The following IL1RAPL1 variants were observed in gnomAD, a reference collection of about 807,000 sequenced individuals.
The protein encoded by IL1RAPL1 is interleukin-1 receptor accessory protein-like 1.
Under a neutral mutation model 48.4 loss-of-function variants are expected in IL1RAPL1, and 3 were observed. The observed-to-expected ratio is 0.06, with a 90% CI of 0.03 to 0.16. IL1RAPL1 has a LOEUF of 0.16. Among genes scored for constraint, IL1RAPL1 ranks in the 10% least tolerant of loss-of-function variants. The probability of loss-of-function intolerance (pLI) is 1.00; values close to 1 mark genes in which losing one functional copy is unlikely to be tolerated. For missense variants in IL1RAPL1, 349 were observed against 530.6 expected (o/e 0.66, Z 3.36); for synonymous variants, 185 against 187.7 (o/e 0.99, Z 0.12).
chrX:29,012,479 G>A lies in IL1RAPL1; in HGVS notation c.82+223054G>A, dbSNP rs139406529. Among the ~76,000 whole-genome samples the A allele has an allele frequency of 2.7e-3, 304 of 111,665 alleles. 1 individual carries two copies. Among genetic ancestry groups the A allele is most frequent in the African/African-American group, 8.6e-3 (266 of 30,753 alleles). The stretch of plus-strand genomic sequence containing the variant: ...GAATCACTTGAACCCAGGAGGCAGA[G>A]GTTGCAGTGAGCCGAGATCATGCCA... On this transcript the variant is annotated intron_variant, in intron 2 of 10. Coordinates refer to ENST00000378993, the MANE Select transcript of IL1RAPL1 (RefSeq NM_014271.4).
chrX:29,062,953 A>G (rs149055927), intron 2 of IL1RAPL1, among the ~76,000 whole-genome samples: 86 of 112,009 alleles, frequency 7.7e-4, no homozygotes, highest in African/African-American at 2.7e-3. Context: ...GAAAATTTCT[A>G]TAGGCAACTT....
At chrX:29,490,469 G>A (rs1935144355) in intron 5 of IL1RAPL1, among the ~76,000 whole-genome samples, 1 of 111,197 alleles carries the variant, frequency 9.0e-6, no homozygotes, top group African/African-American at 3.3e-5. Context: ...GGAGGCAGAG[G>A]TTACAGTGAG....
At chrX:29,573,895 A>G (rs778558762) in intron 5 of IL1RAPL1, among the ~76,000 whole-genome samples, 28 of 111,794 alleles carry the variant, frequency 2.5e-4, no homozygotes, top group Non-Finnish European at 4.7e-4. Flanking sequence ...CTAGGTTGGA[A>G]GAACCATAAA....
intron 5 of IL1RAPL1, among the ~76,000 whole-genome samples, chrX:29,538,246 T>C (rs1043269273): frequency 5.5e-5 from 6 of 109,553 alleles, no homozygotes; most frequent in African/African-American, 2.0e-4. Flanking sequence ...TACAACTTTG[T>C]ATAAAGTCCC....
chrX:29,652,876 A>AT (rs1334838597), intron 5 of IL1RAPL1, among the ~76,000 whole-genome samples: 2 of 112,119 alleles, frequency 1.8e-5, no homozygotes, highest in African/African-American at 6.5e-5. Flanking sequence ...ACTCAGTAGT[A>AT]TTTCACTGAT....
intron 2 of IL1RAPL1, among the ~76,000 whole-genome samples, chrX:28,898,478 C>CT (rs758651532): frequency 9.0e-6 from 1 of 110,974 alleles, no homozygotes; most frequent in Non-Finnish European, 1.9e-5. Flanking sequence ...CTTCAAACTT[C>CT]TTTTTTTCCC....
intron 5 of IL1RAPL1, among the ~76,000 whole-genome samples, chrX:29,529,889 T>C (rs1165559936): frequency 1.8e-5 from 2 of 111,701 alleles, no homozygotes; most frequent in East Asian, 5.6e-4. Flanking sequence ...ATTTGTGAAG[T>C]GTTCTTTGGA....
chrX:28,923,269 C>A (rs1242632781), intron 2 of IL1RAPL1, among the ~76,000 whole-genome samples: 9 of 110,007 alleles, frequency 8.2e-5, no homozygotes, highest in Admixed American at 4.9e-4. Context: ...CTCTGCCTCC[C>A]GGGTTCAAGC....
chrX:28,994,779 T>C (rs899193345), intron 2 of IL1RAPL1, among the ~76,000 whole-genome samples: 3 of 111,901 alleles, frequency 2.7e-5, no homozygotes, highest in African/African-American at 9.7e-5. Context: ...CTTAATTGCA[T>C]TGACATTATT....
intron 2 of IL1RAPL1, among the ~76,000 whole-genome samples, chrX:29,270,886 G>T (rs750455413): frequency 2.7e-5 from 3 of 111,094 alleles, no homozygotes; most frequent in Non-Finnish European, 5.7e-5. Context: ...TTACATTCAG[G>T]GTTACATGTG....
At chrX:28,936,089 C>T (rs1476550265) in intron 2 of IL1RAPL1, among the ~76,000 whole-genome samples, 2 of 111,560 alleles carry the variant, frequency 1.8e-5, no homozygotes, top group East Asian at 2.8e-4. Context: ...AACCACTGAG[C>T]CACAGCCTCT....
chrX:28,815,869 A>G (rs1365914435), intron 2 of IL1RAPL1, among the ~76,000 whole-genome samples: 8 of 74,754 alleles, frequency 1.1e-4, no homozygotes, highest in Admixed American at 3.3e-4. Context: ...ATATATATAT[A>G]TATATATATA....
chrX:28,934,220 A>G (rs1923959458), intron 2 of IL1RAPL1, among the ~76,000 whole-genome samples: 1 of 111,244 alleles, frequency 9.0e-6, no homozygotes, highest in Non-Finnish European at 1.9e-5. Flanking sequence ...TTCTAAGTAT[A>G]AATACATCAA....
intron 1 of IL1RAPL1, among the ~76,000 whole-genome samples, chrX:28,640,598 A>C (rs1029878178): frequency 2.9e-4 from 32 of 108,926 alleles, no homozygotes; most frequent in African/African-American, 1.0e-3. Context: ...TGATCCACCC[A>C]CCTTGGCGTC....
intron 2 of IL1RAPL1, among the ~76,000 whole-genome samples, chrX:29,167,288 C>T (rs1398364180): frequency 9.1e-6 from 1 of 109,631 alleles, no homozygotes; most frequent in Non-Finnish European, 1.9e-5. Context: ...ACTCCCTTCC[C>T]ATTCCGCTTC....
chrX:28,843,370 A>T (rs1921425847), intron 2 of IL1RAPL1, among the ~76,000 whole-genome samples: 1 of 111,145 alleles, frequency 9.0e-6, no homozygotes, highest in Non-Finnish European at 1.9e-5. Flanking sequence ...ATCCCTAGCT[A>T]GTCGGGATCA....
intron 2 of IL1RAPL1, among the ~76,000 whole-genome samples, chrX:29,202,538 A>G (rs771633284): frequency 1.1e-3 from 121 of 112,081 alleles, no homozygotes; most frequent in African/African-American, 3.8e-3. Flanking sequence ...AAATCATTCT[A>G]TCATAAAGAA....
At chrX:28,614,412 C>T (rs1182424299) in intron 1 of IL1RAPL1, among the ~76,000 whole-genome samples, 2 of 110,970 alleles carry the variant, frequency 1.8e-5, no homozygotes, top group African/African-American at 6.6e-5. Context: ...AAACACCACA[C>T]AATTTAAATG....
chrX:29,583,912 CACA>C (rs1923068613), intron 5 of IL1RAPL1, among the ~76,000 whole-genome samples: 1 of 111,373 alleles, frequency 9.0e-6, no homozygotes, highest in African/African-American at 3.3e-5. Context: ...GTAATTGTGG[CACA>C]ACAAAGTGAT....
Sources: gnomAD v4.1 joint callset for allele counts (sites outside exome capture counted in the v4.1 genomes callset) on GRCh38, gnomAD v4.1.1 for gene constraint, MANE v1.5 for transcripts, NCBI Gene and HGNC (gene_info 2026-07-23, HGNC 2026-07-21) for gene names.